Variants in NCKAP1L observed in about 807,000 individuals in gnomAD.
The protein encoded by NCKAP1L is nck-associated protein 1-like.
In NCKAP1L, 53 loss-of-function variants were observed where a neutral mutation model predicts 139.2. The ratio of observed to expected loss-of-function variants is 0.38; its 90% CI spans 0.31 to 0.48. The LOEUF (loss-of-function observed/expected upper bound fraction) is 0.48. Ranked by LOEUF, NCKAP1L falls within the 20% of genes least tolerant of loss-of-function variation. NCKAP1L has a pLI of 0.98. For synonymous variants in NCKAP1L, 468 were observed against 499.7 expected (o/e 0.94, Z 0.85); for missense variants, 1,151 against 1,381.9 (o/e 0.83, Z 2.65).
chr12:54,536,340 G>A (rs1270272796), intron 28 of NCKAP1L, 95 bp downstream of exon 28: 1 of 918,926 alleles, frequency 1.1e-6, no homozygotes, highest in Non-Finnish European at 1.8e-6. Flanking sequence ...ATAGACTTCT[G>A]ACTTGGGTGT....
chr12:54,503,346 T>G (rs951597801), intron 3 of NCKAP1L, among the ~76,000 whole-genome samples: 2 of 151,952 alleles, frequency 1.3e-5, no homozygotes, highest in Admixed American at 6.6e-5. Context: ...AAAGAAAAAT[T>G]GATAAGGTAT....
rs552334728 is a variant in NCKAP1L at position 54,520,682 on chromosome 12, G to A, written c.1626-12G>A. The A allele has an allele frequency of 3.0e-5, 48 of 1,613,856 alleles. No homozygotes were observed. The highest frequency in any genetic ancestry group is 2.3e-4 in the South Asian group (21 of 91,078). On this transcript the variant is annotated splice_polypyrimidine_tract_variant and intron_variant, in intron 16 of 30. Transcript: ENST00000293373. ...CTAAATCTTGATTTAAAGTCTTCCC[G>A]TTTCTCTGCAGCTTTCATCTTCGTA...
intron 3 of NCKAP1L, among the ~76,000 whole-genome samples, chr12:54,507,421 G>A (rs896902251): frequency 6.6e-6 from 1 of 152,158 alleles, no homozygotes; most frequent in Non-Finnish European, 1.5e-5. Flanking sequence ...AAATTAGACA[G>A]TATTCCCGTT....
chr12:54,513,772 A>T (rs184263654), intron 9 of NCKAP1L, among the ~76,000 whole-genome samples: 85 of 152,324 alleles, frequency 5.6e-4, no homozygotes, highest in African/African-American at 1.9e-3. Flanking sequence ...GAATTTAATA[A>T]ACAGCTCTTT....
At chr12:54,517,465 A>T in intron 11 of NCKAP1L, 68 bp from the exon 12 acceptor site, 1 of 985,504 alleles carries the variant, frequency 1.0e-6, no homozygotes, top group Non-Finnish European at 1.6e-6. Flanking sequence ...TTATCATGGT[A>T]GTTTACTCTG....
Position 54,523,958 on chromosome 12 carries a change from T to C in NCKAP1L, c.2156+2T>C. The C allele has an allele frequency of 6.2e-7, 1 of 1,613,206 alleles. No homozygotes were observed. Among genetic ancestry groups the C allele is most frequent in the Non-Finnish European group, 8.5e-7 (1 of 1,179,526 alleles). ...CCACCTGGAGGCCAGACTCAACAGG[T>C]ATCACTCTTTCCTTGTCCTCTGTTT... On this transcript the variant is annotated splice_donor_variant, in intron 20 of 30. Coordinates refer to ENST00000293373, the MANE Select transcript of NCKAP1L (RefSeq NM_005337.5). LOFTEE classifies it high-confidence loss of function.
At chr12:54,536,716 GAA>G (rs5798307) in intron 28 of NCKAP1L, among the ~76,000 whole-genome samples, 34,488 of 145,516 alleles carry the variant, frequency 0.24, 4,661 homozygotes, top group African/African-American at 0.37. Flanking sequence ...CCCCTACCCT[GAA>G]AAAAAAAAAA....
intron 9 of NCKAP1L, chr12:54,512,469 C>T (rs1956896317): frequency 5.7e-6 from 1 of 176,662 alleles, no homozygotes; most frequent in Non-Finnish European, 1.2e-5. Flanking sequence ...TGGCCTACCT[C>T]ATAGGGTTGT....
chr12:54,528,111 C>T lies in NCKAP1L; in HGVS notation c.2376-136C>T, dbSNP rs992706356. 8 of 1,024,118 alleles carry T rather than the reference C, an allele frequency of 7.8e-6. No individual in the cohort carries two copies. The Admixed American group carries it at 1.2e-4, about 15-fold the overall frequency. 63.4% of individuals were successfully genotyped at this position (1,024,118 alleles called of 1,614,324 possible). A position where few individuals can be genotyped will look rare whatever the true frequency, so the allele number is the denominator to read the frequency against. On this transcript the variant is annotated intron_variant, in intron 21 of 30. Coordinates refer to ENST00000293373, the MANE Select transcript of NCKAP1L (RefSeq NM_005337.5). ...TGGGGTGTTAATTAGAACATTGTGC[C>T]ATCTTCTTTGAGTTTCTTCTCCCTA...
intron 9 of NCKAP1L, among the ~76,000 whole-genome samples, chr12:54,515,517 G>T (rs541723687): frequency 3.3e-5 from 5 of 152,322 alleles, no homozygotes; most frequent in African/African-American, 1.2e-4. Context: ...AGTTCACATT[G>T]ACTTTAGAGA....
chr12:54,501,925 C>A (rs1338397998), intron 3 of NCKAP1L, among the ~76,000 whole-genome samples: 1 of 152,138 alleles, frequency 6.6e-6, no homozygotes, highest in African/African-American at 2.4e-5. Flanking sequence ...TTGACAGTAG[C>A]CATCCCAGTG....
At chr12:54,522,641 A>G (rs1956993111) in intron 18 of NCKAP1L, among the ~76,000 whole-genome samples, 1 of 152,198 alleles carries the variant, frequency 6.6e-6, no homozygotes, top group South Asian at 2.1e-4. Flanking sequence ...GTTTGGATTT[A>G]AAAAAAGAAG....
At chr12:54,518,851 C>G in intron 14 of NCKAP1L, 63 bp from the exon 15 acceptor site, 1 of 1,507,732 alleles carries the variant, frequency 6.6e-7, no homozygotes, top group Admixed American at 1.7e-5. Flanking sequence ...ATCTACCATT[C>G]TATGTAGTTG....
chr12:54,527,849 C>T (rs919100024), intron 21 of NCKAP1L, among the ~76,000 whole-genome samples: 3 of 152,094 alleles, frequency 2.0e-5, no homozygotes, highest in African/African-American at 7.2e-5. Flanking sequence ...CCTCTTTGCC[C>T]AGGAGGTTTG....
chr12:54,540,137 G>C (rs1008411466), intron 30 of NCKAP1L, among the ~76,000 whole-genome samples: 1 of 152,154 alleles, frequency 6.6e-6, no homozygotes, highest in African/African-American at 2.4e-5. Flanking sequence ...TTGAAAGCTA[G>C]AATATACTAG....
intron 14 of NCKAP1L, 80 bp downstream of exon 14, chr12:54,518,812 G>A: frequency 6.6e-7 from 1 of 1,518,806 alleles, no homozygotes. Flanking sequence ...CTTTGAGCCA[G>A]GAAGTAGGAC....
At chr12:54,498,848 C>T in intron 1 of NCKAP1L, 4 of 982,596 alleles carry the variant, frequency 4.1e-6, no homozygotes, top group Non-Finnish European at 4.8e-6. Context: ...TGTTATTTCG[C>T]TCTTAGATAC....
At chr12:54,503,529 A>G (rs901476935) in intron 3 of NCKAP1L, among the ~76,000 whole-genome samples, 4 of 152,120 alleles carry the variant, frequency 2.6e-5, no homozygotes, top group African/African-American at 7.2e-5. Flanking sequence ...GATATATCCA[A>G]TAAATAAAGG....
chr12:54,521,730 C>G (rs541757216), intron 18 of NCKAP1L, among the ~76,000 whole-genome samples: 1 of 152,278 alleles, frequency 6.6e-6, no homozygotes, highest in African/African-American at 2.4e-5. Context: ...CCTCCCTTGA[C>G]TGACTCTTAG....
Sources: allele counts gnomAD v4.1 joint callset (sites outside exome capture counted in the v4.1 genomes callset), GRCh38; gene constraint gnomAD v4.1.1; transcripts MANE v1.5; gene names NCBI Gene and HGNC (gene_info 2026-07-23, HGNC 2026-07-21).